PSMA6: variants seen among roughly 807,000 people sequenced by gnomAD.
PSMA6 encodes the protein proteasome 20S subunit alpha 6, also known as proteasome subunit alpha type-6.
For missense variants in PSMA6, 170 were observed against 294.8 expected (o/e 0.58, Z 3.10); for synonymous variants, 88 against 97.7 (o/e 0.90, Z 0.59).
chr14:35,294,997 A>G (rs767344390), intron 1 of PSMA6, among the ~76,000 whole-genome samples: 3 of 152,166 alleles, frequency 2.0e-5, no homozygotes, highest in Non-Finnish European at 2.9e-5. Flanking sequence ...CAAAAGATAA[A>G]TGTCGTCTAA....
At chr14:35,314,740 T>G (rs1347634444) in intron 6 of PSMA6, 2 of 174,984 alleles carry the variant, frequency 1.1e-5, no homozygotes, top group Non-Finnish European at 2.3e-5. Flanking sequence ...AGCATAAGTG[T>G]TTTCTTTTTT....
intron 1 of PSMA6, among the ~76,000 whole-genome samples, chr14:35,283,192 A>G (rs2051385424): frequency 6.6e-6 from 1 of 151,952 alleles, no homozygotes; most frequent in African/African-American, 2.4e-5. Context: ...GCTCCAAAAT[A>G]GTATGTCTAG....
At chr14:35,307,394 G>T (rs895115197) in intron 1 of PSMA6, among the ~76,000 whole-genome samples, 1 of 152,084 alleles carries the variant, frequency 6.6e-6, no homozygotes, top group Non-Finnish European at 1.5e-5. Context: ...CTTTTAAAAT[G>T]ACAAAACATC....
At chr14:35,312,065 G>T (rs1368946282) in intron 4 of PSMA6, among the ~76,000 whole-genome samples, 1 of 152,026 alleles carries the variant, frequency 6.6e-6, no homozygotes, top group South Asian at 2.1e-4. Flanking sequence ...TCCAGAAAAG[G>T]TATATGAAAG....
chr14:35,288,060 A>ATTTC (rs1350933357), upstream of PSMA6, among the ~76,000 whole-genome samples: 1 of 152,250 alleles, frequency 6.6e-6, no homozygotes, highest in African/African-American at 2.4e-5. Flanking sequence ...TGGATCTCTC[A>ATTTC]TTTACTGACA....
intron 4 of PSMA6, among the ~76,000 whole-genome samples, chr14:35,311,601 G>A (rs1287907054): frequency 6.6e-6 from 1 of 152,082 alleles, no homozygotes; most frequent in Non-Finnish European, 1.5e-5. Context: ...ACTTTTTTGT[G>A]TTGCCCTTAT....
At chr14:35,291,831 A>C (rs2051486836), upstream of PSMA6, among the ~76,000 whole-genome samples, 1 of 149,712 alleles carries the variant, frequency 6.7e-6, no homozygotes, top group Non-Finnish European at 1.5e-5. Context: ...CTCAAAAAAA[A>C]AAAAAAAAAA....
chr14:35,305,309 A>T (rs140234962), intron 1 of PSMA6, among the ~76,000 whole-genome samples: 1 of 151,518 alleles, frequency 6.6e-6, no homozygotes, highest in African/African-American at 2.4e-5. Flanking sequence ...CCTAGCTAAC[A>T]TTTTTTTGTA....
chr14:35,302,465 A>G (rs1378881159), intron 1 of PSMA6, among the ~76,000 whole-genome samples: 1 of 151,792 alleles, frequency 6.6e-6, no homozygotes, highest in Non-Finnish European at 1.5e-5. Flanking sequence ...AATTTTTTCT[A>G]TTTTTGGTTT....
intron 1 of PSMA6, among the ~76,000 whole-genome samples, chr14:35,285,270 G>T (rs548540255): frequency 2.7e-5 from 4 of 150,484 alleles, no homozygotes; most frequent in Non-Finnish European, 5.9e-5. Flanking sequence ...CGCCTGGGAG[G>T]CAGAGGTTGC....
intron 1 of PSMA6, among the ~76,000 whole-genome samples, chr14:35,285,873 A>G (rs1243785470): frequency 6.6e-6 from 1 of 152,242 alleles, no homozygotes; most frequent in African/African-American, 2.4e-5. Context: ...CACGATAGGT[A>G]AGAATTAGCT....
chr14:35,302,891 C>G (rs2138734130), intron 1 of PSMA6, among the ~76,000 whole-genome samples: 1 of 152,192 alleles, frequency 6.6e-6, no homozygotes, highest in African/African-American at 2.4e-5. Context: ...GATTTCCTAT[C>G]ATTTTTCATT....
intron 1 of PSMA6, among the ~76,000 whole-genome samples, chr14:35,295,487 TG>T (rs1042355584): frequency 1.3e-5 from 2 of 151,482 alleles, no homozygotes; most frequent in Admixed American, 1.3e-4. Flanking sequence ...GTTGCGCTCT[TG>T]TTGCCCAGGC....
upstream of PSMA6, among the ~76,000 whole-genome samples, chr14:35,290,888 A>T (rs1355397970): frequency 6.6e-6 from 1 of 152,196 alleles, no homozygotes; most frequent in Non-Finnish European, 1.5e-5. Flanking sequence ...TCATTAATCC[A>T]TGCAACACTA....
intron 1 of PSMA6, among the ~76,000 whole-genome samples, chr14:35,303,909 CTT>C (rs59394747): frequency 4.2e-5 from 6 of 141,800 alleles, no homozygotes; most frequent in Non-Finnish European, 3.1e-5. Flanking sequence ...TAATTTCTTT[CTT>C]TTTTTTTTTT....
upstream of PSMA6, chr14:35,278,579 A>G: frequency 1.1e-6 from 1 of 924,144 alleles, no homozygotes; most frequent in South Asian, 1.4e-5. Flanking sequence ...ATCCAATAGG[A>G]TGCCAGTGGA....
At chr14:35,314,744 C>G (rs66510383) in intron 6 of PSMA6, 5 of 84,094 alleles carry the variant, frequency 5.9e-5, no homozygotes, top group South Asian at 5.3e-4. Flanking sequence ...TAAGTGTTTT[C>G]TTTTTTTTAG....
At chr14:35,297,461 T>G (rs186103777) in intron 1 of PSMA6, among the ~76,000 whole-genome samples, 5 of 152,186 alleles carry the variant, frequency 3.3e-5, no homozygotes, top group African/African-American at 1.2e-4. Context: ...GTGATCCGCC[T>G]GCCTCGGCCT....
intron 1 of PSMA6, among the ~76,000 whole-genome samples, chr14:35,305,137 C>T (rs1200354697): frequency 2.1e-5 from 3 of 143,002 alleles, no homozygotes; most frequent in African/African-American, 7.5e-5. Context: ...GATTTCTTTT[C>T]TTTTGTTTCT....
Sources: gnomAD v4.1 joint callset for allele counts (sites outside exome capture counted in the v4.1 genomes callset) on GRCh38, gnomAD v4.1.1 for gene constraint, MANE v1.5 for transcripts, NCBI Gene and HGNC (gene_info 2026-07-23, HGNC 2026-07-21) for gene names.